Variants in CSNK1G1 observed in about 807,000 individuals in gnomAD.
The protein encoded by CSNK1G1 is casein kinase 1 gamma 1, also known as casein kinase I isoform gamma-1.
Under a neutral mutation model 59.6 loss-of-function variants are expected in CSNK1G1, and 22 were observed. That is an observed-to-expected ratio of 0.37 (90% CI 0.26 to 0.53). CSNK1G1 has a LOEUF of 0.53. Among genes scored for constraint, CSNK1G1 ranks in the 20% least tolerant of loss-of-function variants. CSNK1G1 has a pLI of 0.89. For synonymous variants in CSNK1G1, 179 were observed against 177.1 expected, an observed-to-expected ratio of 1.01 and a Z score of -0.08; for missense variants, 384 against 519.5, an observed-to-expected ratio of 0.74 and a Z score of 2.54.
intron 2 of CSNK1G1, among the ~76,000 whole-genome samples, chr15:64,295,976 C>T (rs1260572312): frequency 6.6e-6 from 1 of 152,172 alleles, no homozygotes; most frequent in African/African-American, 2.4e-5. Context: ...ATATGCTGGG[C>T]ACTTGCACAG....
At chr15:64,335,956 G>A (rs965749808) in intron 1 of CSNK1G1, 5 of 151,994 alleles carry the variant, frequency 3.3e-5, no homozygotes, top group African/African-American at 1.2e-4. Context: ...TATACCCCCA[G>A]TACCTACACT....
intron 1 of CSNK1G1, among the ~76,000 whole-genome samples, chr15:64,307,956 G>C (rs577004244): frequency 6.7e-4 from 102 of 152,176 alleles, no homozygotes; most frequent in African/African-American, 2.3e-3. Context: ...AAAGTGCTGG[G>C]ATTACAGGCG....
At chr15:64,265,918 C>CA (rs1035640247) in intron 2 of CSNK1G1, 84 of 416,464 alleles carry the variant, frequency 2.0e-4, no homozygotes, top group South Asian at 3.1e-4. Flanking sequence ...ACTGCATCTG[C>CA]AAAAAAAAAT....
chr15:64,285,173 T>C lies in CSNK1G1; in HGVS notation c.181+15146A>G, dbSNP rs556686159. 2.0e-5 allele frequency among the ~76,000 whole-genome samples: 3 copies of C among 152,264 alleles called. No individual in the cohort carries two copies. In the East Asian group the frequency reaches 5.8e-4, roughly 29 times the overall value. On this transcript the variant is annotated intron_variant, in intron 2 of 11. Transcript: ENST00000303052. The stretch of plus-strand genomic sequence containing the variant: ...AGATTTAACTGGAAGCCCAATTTTA[T>C]GGTTAACAGTTCTAGTACTCCACTT...
chr15:64,172,723 G>A (rs1438583740), intron 11 of CSNK1G1, among the ~76,000 whole-genome samples: 1 of 152,154 alleles, frequency 6.6e-6, no homozygotes, highest in Non-Finnish European at 1.5e-5. Flanking sequence ...TTAGCTTCCT[G>A]AGACTGCTGC....
At chr15:64,277,519 CT>C (rs1596203860) in intron 2 of CSNK1G1, among the ~76,000 whole-genome samples, 1 of 146,288 alleles carries the variant, frequency 6.8e-6, no homozygotes, top group East Asian at 2.0e-4. Context: ...ACTTTTACCC[CT>C]GCTACAAGTT....
At chr15:64,250,918 T>G (rs1892044905) in intron 4 of CSNK1G1, among the ~76,000 whole-genome samples, 1 of 152,174 alleles carries the variant, frequency 6.6e-6, no homozygotes, top group Admixed American at 6.5e-5. Context: ...CAGGTAAACA[T>G]TAGCAAAACA....
Position 64,251,498 on chromosome 15 carries a change from A to G in CSNK1G1, c.292+14T>C. The G allele has an allele frequency of 6.3e-7, 1 of 1,587,682 alleles. No homozygotes were observed. The highest frequency in any genetic ancestry group is 8.6e-7 in the Non-Finnish European group (1 of 1,159,150). On this transcript the variant is annotated intron_variant, in intron 4 of 11. Transcript: ENST00000303052. The stretch of plus-strand genomic sequence containing the variant: ...ATACATACTAAGTAAGTGGAGAGAA[A>G]AGACTTGACTTACCTGCACTGCCAA...
intron 7 of CSNK1G1, among the ~76,000 whole-genome samples, chr15:64,206,232 G>C (rs549957431): frequency 6.6e-6 from 1 of 152,242 alleles, no homozygotes; most frequent in Admixed American, 6.5e-5. Context: ...ACAAGGTCAG[G>C]AGTTTGAGAC....
intron 10 of CSNK1G1, among the ~76,000 whole-genome samples, chr15:64,191,917 G>C (rs1016795746): frequency 6.6e-6 from 1 of 152,196 alleles, no homozygotes; most frequent in African/African-American, 2.4e-5. Context: ...TTAAGAGCTT[G>C]GACCGGTATC....
At chr15:64,231,339 A>G (rs989000475) in intron 4 of CSNK1G1, among the ~76,000 whole-genome samples, 1 of 147,360 alleles carries the variant, frequency 6.8e-6, no homozygotes, top group Non-Finnish European at 1.5e-5. Context: ...ATATATATAT[A>G]TTATATATAT....
intron 10 of CSNK1G1, among the ~76,000 whole-genome samples, chr15:64,196,427 T>C (rs1431502112): frequency 6.6e-6 from 1 of 151,640 alleles, no homozygotes; most frequent in African/African-American, 2.4e-5. Flanking sequence ...CTTGTTGTGA[T>C]GGAAAAGAAC....
intron 1 of CSNK1G1, among the ~76,000 whole-genome samples, chr15:64,344,529 C>T (rs959593623): frequency 2.6e-5 from 4 of 152,096 alleles, no homozygotes; most frequent in African/African-American, 4.8e-5. Context: ...CTATCTGGAA[C>T]GTGAAACATA....
At chr15:64,249,520 T>C (rs941298249) in intron 4 of CSNK1G1, among the ~76,000 whole-genome samples, 5 of 152,132 alleles carry the variant, frequency 3.3e-5, no homozygotes, top group African/African-American at 1.2e-4. Context: ...CCTTTACATG[T>C]TTGTTAGAAA....
rs185901929 is a variant in CSNK1G1 at position 64,216,536 on chromosome 15, C to T, written c.444+26G>A. On this transcript the variant is annotated intron_variant, in intron 5 of 11. Coordinates refer to ENST00000303052, the MANE Select transcript of CSNK1G1 (RefSeq NM_022048.5). The surrounding 1 kb of genome is among the most constrained non-coding windows in gnomAD (Gnocchi z 4.6). ...TGTGGCTGAGGAACCAGCTTATTCT[C>T]TTCTAGAAGAGCAATTCCAACTTAC... is the stretch of plus-strand genomic sequence containing the variant. 1.8e-4 allele frequency: 297 copies of T among 1,612,050 alleles called. No individual in the cohort carries two copies. The African/African-American group carries it at 3.7e-3, about 20-fold the overall frequency.
intron 1 of CSNK1G1, among the ~76,000 whole-genome samples, chr15:64,302,551 A>G (rs1435408170): frequency 6.6e-6 from 1 of 152,224 alleles, no homozygotes; most frequent in African/African-American, 2.4e-5. Context: ...TTCCTACATG[A>G]ACAACATTAA....
At chr15:64,338,563 G>A (rs780198129) in intron 1 of CSNK1G1, among the ~76,000 whole-genome samples, 71 of 151,940 alleles carry the variant, frequency 4.7e-4, no homozygotes, top group Non-Finnish European at 6.3e-4. Context: ...AGCTGGGTGT[G>A]GTGGTACATG....
chr15:64,320,695 AAG>A (rs1311513206), intron 1 of CSNK1G1, among the ~76,000 whole-genome samples: 1 of 151,410 alleles, frequency 6.6e-6, no homozygotes, highest in African/African-American at 2.4e-5. Flanking sequence ...AAAAAAAAAA[AAG>A]AAAAAAGAAA....
intron 1 of CSNK1G1, among the ~76,000 whole-genome samples, chr15:64,310,552 T>TA (rs5813293): frequency 6.9e-6 from 1 of 145,302 alleles, no homozygotes. Context: ...TGTGTCTCTA[T>TA]AAAAAAAAAA....
Sources: gnomAD v4.1 joint callset for allele counts (sites outside exome capture counted in the v4.1 genomes callset) on GRCh38, gnomAD v4.1.1 for gene constraint, Gnocchi (gnomAD v3.1) non-coding constraint, MANE v1.5 for transcripts, NCBI Gene and HGNC (gene_info 2026-07-23, HGNC 2026-07-21) for gene names.